Variants in LHFPL3 observed in about 807,000 individuals in gnomAD.
The protein encoded by LHFPL3 is LHFPL tetraspan subfamily member 3 protein.
In LHFPL3, 5 loss-of-function variants were observed where a neutral mutation model predicts 19.3. That is an observed-to-expected ratio of 0.26 (90% CI 0.14 to 0.54). The LOEUF (loss-of-function observed/expected upper bound fraction) is 0.54, where lower values mean the gene tolerates loss of function less well. LHFPL3 is among the 20% of genes least tolerant of loss of function. The pLI is 0.94. For missense variants in LHFPL3, 249 were observed against 307.4 expected (o/e 0.81, Z 1.42); for synonymous variants, 133 against 126.2 (o/e 1.05, Z -0.36).
At position 104,328,867 on chromosome 7, in the gene LHFPL3, G is replaced by A; in HGVS notation, c.88G>A (p.Val30Met). 6.2e-7 allele frequency: 1 copy of A among 1,614,194 alleles called. No individual in the cohort carries two copies. The highest frequency in any genetic ancestry group is 1.1e-5 in the South Asian group (1 of 91,084). Reference sequence around the variant, plus strand: ...TGCCAAGCTGTACCACACCAACTATGTGCGGAACTCGCGGGCCATCGGCGT... The same window carrying A: ...TGCCAAGCTGTACCACACCAACTATATGCGGAACTCGCGGGCCATCGGCGT... ...EAAKLYHTNY[V>M]RNSRAIGVLW... The change falls in exon 1 of 3, where the codon GTG becomes ATG. Residue 30 changes from valine to methionine, a missense_variant. By Grantham distance (21) the Val-to-Met change is conservative (BLOSUM62 1). Transcript: ENST00000424859. This position sits in a 1 kb window ranked among gnomAD's most constrained non-coding sequence, Gnocchi z 4.6.
intron 2 of LHFPL3, among the ~76,000 whole-genome samples, chr7:104,771,861 C>T (rs887322857): frequency 3.3e-5 from 4 of 123,012 alleles, no homozygotes; most frequent in Non-Finnish European, 4.8e-5. Flanking sequence ...TTCGCTCTGT[C>T]GCCAGGCTGG....
chr7:104,883,919 A>T (rs1390701148), intron 2 of LHFPL3, among the ~76,000 whole-genome samples: 1 of 152,080 alleles, frequency 6.6e-6, no homozygotes, highest in Admixed American at 6.6e-5. Flanking sequence ...ACTCCTGAGC[A>T]CACTTCCCTT....
At position 104,511,944 on chromosome 7, in the gene LHFPL3, C is replaced by CTTT. The variant is rs58712044; in HGVS notation, c.445+182738_445+182740dup. Among the ~76,000 whole-genome samples the CTTT allele has an allele frequency of 3.5e-3, 390 of 111,962 alleles. 11 individuals are homozygous for CTTT. The highest frequency in any genetic ancestry group is 0.012 in the African/African-American group (351 of 28,104). 73.5% of individuals were successfully genotyped at this position (111,962 alleles called of 152,430 possible). A position where few individuals can be genotyped will look rare whatever the true frequency, so the allele number is the denominator to read the frequency against. On this transcript the variant is annotated intron_variant, in intron 1 of 2. Coordinates refer to ENST00000424859, the MANE Select transcript of LHFPL3 (RefSeq NM_199000.3). ...AATAGTGATATTTTTCTTTCCTTTT[C>CTTT]TTTTTTTTTTTTTTTTTTTTGGAGG...
At chr7:104,721,589 T>C (rs2116248985) in intron 1 of LHFPL3, among the ~76,000 whole-genome samples, 1 of 150,048 alleles carries the variant, frequency 6.7e-6, no homozygotes, top group African/African-American at 2.5e-5. Context: ...CATGGAGGAG[T>C]AGAACACATG....
chr7:104,684,896 G>A (rs1331966348), intron 1 of LHFPL3, among the ~76,000 whole-genome samples: 5 of 152,134 alleles, frequency 3.3e-5, no homozygotes, highest in Admixed American at 1.3e-4. Flanking sequence ...GATCTCCACC[G>A]CCCAGGGCAC....
At chr7:104,420,246 T>C (rs1309918411) in intron 1 of LHFPL3, among the ~76,000 whole-genome samples, 1 of 152,170 alleles carries the variant, frequency 6.6e-6, no homozygotes, top group Non-Finnish European at 1.5e-5. Flanking sequence ...GCCACACTAG[T>C]AGTGGAGACC....
intron 1 of LHFPL3, among the ~76,000 whole-genome samples, chr7:104,435,651 A>G (rs953998897): frequency 6.6e-6 from 1 of 151,962 alleles, no homozygotes; most frequent in African/African-American, 2.4e-5. Flanking sequence ...TTATTAAAGC[A>G]TAAAAGTGTC....
At chr7:104,338,116 T>TTTTTTTC (rs1789870673) in intron 1 of LHFPL3, among the ~76,000 whole-genome samples, 1 of 144,852 alleles carries the variant, frequency 6.9e-6, no homozygotes, top group African/African-American at 2.6e-5. Flanking sequence ...TTTTTTTTTT[T>TTTTTTTC]GAGACGGAGT....
rs188836623 is a variant in LHFPL3 at position 104,881,102 on chromosome 7, G to A, written c.683-25085G>A. 3.8e-3 allele frequency among the ~76,000 whole-genome samples: 578 copies of A among 151,058 alleles called. 2 individuals are homozygous for A. Among genetic ancestry groups the A allele is most frequent in the African/African-American group, 0.013 (539 of 41,090 alleles). On this transcript the variant is annotated intron_variant, in intron 2 of 2. Transcript: ENST00000424859. Reference sequence around the variant, plus strand: ...GGAGAATGGCGTGAACCTGGGAGGCGGAGCTTGCAGTGAGCCGGGATAGCA... The same window carrying A: ...GGAGAATGGCGTGAACCTGGGAGGCAGAGCTTGCAGTGAGCCGGGATAGCA...
At chr7:104,798,039 C>T (rs921246175) in intron 2 of LHFPL3, among the ~76,000 whole-genome samples, 13 of 152,092 alleles carry the variant, frequency 8.5e-5, no homozygotes, top group African/African-American at 3.1e-4. Context: ...GGGGGCGGCA[C>T]TATGTGAGGT....
chr7:104,430,402 A>ATATGTATATATATATATATATATG (rs1791952909), intron 1 of LHFPL3, among the ~76,000 whole-genome samples: 1 of 34,166 alleles, frequency 2.9e-5, no homozygotes, highest in Non-Finnish European at 4.6e-5. Context: ...ATATATATAT[A>ATATGTATATATATATATATATATG]TACATATATA....
chr7:104,547,699 T>G (rs1169492193), intron 1 of LHFPL3, among the ~76,000 whole-genome samples: 1 of 152,134 alleles, frequency 6.6e-6, no homozygotes, highest in Non-Finnish European at 1.5e-5. Context: ...AGACAGCACA[T>G]GAGCCCACCA....
At chr7:104,821,863 A>G (rs1274550174) in intron 2 of LHFPL3, among the ~76,000 whole-genome samples, 1 of 152,250 alleles carries the variant, frequency 6.6e-6, no homozygotes, top group Non-Finnish European at 1.5e-5. Flanking sequence ...CTTTGCAAAC[A>G]TAGATTAAGT....
At chr7:104,422,076 T>C (rs549026006) in intron 1 of LHFPL3, among the ~76,000 whole-genome samples, 10 of 152,230 alleles carry the variant, frequency 6.6e-5, no homozygotes, top group Non-Finnish European at 1.5e-4. Flanking sequence ...AAAATACATT[T>C]CAGGCCGGGT....
intron 1 of LHFPL3, among the ~76,000 whole-genome samples, chr7:104,607,448 A>G (rs1791123739): frequency 6.6e-6 from 1 of 152,204 alleles, no homozygotes; most frequent in South Asian, 2.1e-4. Flanking sequence ...ACAGAACCAT[A>G]TGTTCAGATC....
At chr7:104,640,588 G>A (rs773568059) in intron 1 of LHFPL3, among the ~76,000 whole-genome samples, 4 of 152,196 alleles carry the variant, frequency 2.6e-5, no homozygotes, top group Non-Finnish European at 5.9e-5. Context: ...ACACATGTGT[G>A]CATGTGTCTT....
intron 2 of LHFPL3, among the ~76,000 whole-genome samples, chr7:104,777,955 T>G (rs1419209272): frequency 6.6e-6 from 1 of 152,190 alleles, no homozygotes. Flanking sequence ...CAAGATTTTA[T>G]GTCTAAGAGA....
At chr7:104,344,210 C>G (rs185176945) in intron 1 of LHFPL3, among the ~76,000 whole-genome samples, 1 of 151,876 alleles carries the variant, frequency 6.6e-6, no homozygotes, top group Non-Finnish European at 1.5e-5. Flanking sequence ...AAAATGAAGC[C>G]AACTTTGCCA....
At chr7:104,643,380 T>G (rs1791871155) in intron 1 of LHFPL3, among the ~76,000 whole-genome samples, 1 of 152,238 alleles carries the variant, frequency 6.6e-6, no homozygotes, top group Non-Finnish European at 1.5e-5. Flanking sequence ...CTTTTTCTTT[T>G]GATTAAATGA....
Sources: allele counts gnomAD v4.1 joint callset (sites outside exome capture counted in the v4.1 genomes callset), GRCh38; gene constraint gnomAD v4.1.1; non-coding constraint Gnocchi (gnomAD v3.1); transcripts MANE v1.5; gene names NCBI Gene and HGNC (gene_info 2026-07-23, HGNC 2026-07-21).